The following DIP2C variants were observed in gnomAD, a reference collection of about 807,000 sequenced individuals.
DIP2C encodes the protein DIP2 acetate--CoA ligase C (putative).
DIP2C carries 33 observed loss-of-function variants against 192.4 expected under a neutral mutation model. That is an observed-to-expected ratio of 0.17 (90% CI 0.13 to 0.23). The LOEUF (loss-of-function observed/expected upper bound fraction) is 0.23, where lower values mean the gene tolerates loss of function less well. Ranked by LOEUF, DIP2C falls within the 10% of genes least tolerant of loss-of-function variation. The probability of loss-of-function intolerance (pLI) is 1.00; values close to 1 mark genes in which losing one functional copy is unlikely to be tolerated. For synonymous variants in DIP2C, 979 were observed against 864.1 expected (o/e 1.13, Z -2.33); for missense variants, 1,537 against 2,110.1 (o/e 0.73, Z 5.32).
intron 5 of DIP2C, among the ~76,000 whole-genome samples, chr10:419,921 G>A (rs1022727458): frequency 6.6e-6 from 1 of 152,172 alleles, no homozygotes; most frequent in African/African-American, 2.4e-5. Context: ...GGCTGAATGG[G>A]GAAAAGCATG....
At chr10:557,131 C>A (rs370464036) in intron 1 of DIP2C, among the ~76,000 whole-genome samples, 3 of 152,340 alleles carry the variant, frequency 2.0e-5, no homozygotes, top group African/African-American at 7.2e-5. Context: ...GTAAGACCAG[C>A]ACTCCTATGT....
At chr10:482,667 G>A (rs879581961) in intron 2 of DIP2C, among the ~76,000 whole-genome samples, 2 of 152,238 alleles carry the variant, frequency 1.3e-5, no homozygotes, top group Non-Finnish European at 1.5e-5. Flanking sequence ...AGCTGTATCT[G>A]AGCAAAGAAG....
In DIP2C at chr10:537,740, A is replaced by G. The variant is rs552151534; in HGVS notation, c.86-51210T>C. Reference sequence around the variant, plus strand: ...GTGCAAACCCATTGCTCTGGCAATAAGCAAAGCTCTTGGGGTCTCCCTAAA... The same window carrying G: ...GTGCAAACCCATTGCTCTGGCAATAGGCAAAGCTCTTGGGGTCTCCCTAAA... On this transcript the variant is annotated intron_variant, in intron 1 of 36. Transcript: ENST00000280886. Among the ~76,000 whole-genome samples the G allele has an allele frequency of 2.0e-5, 3 of 152,330 alleles. No homozygotes were observed. In the East Asian group the frequency reaches 5.8e-4, roughly 29 times the overall value.
intron 18 of DIP2C, among the ~76,000 whole-genome samples, chr10:368,165 G>C (rs1275933036): frequency 2.5e-5 from 1 of 39,944 alleles, no homozygotes; most frequent in African/African-American, 1.1e-4. Context: ...CGGGAAGCCC[G>C]CGGTTGCTCT....
At chr10:447,921 G>A (rs1475494433) in intron 3 of DIP2C, among the ~76,000 whole-genome samples, 54 of 102,414 alleles carry the variant, frequency 5.3e-4, no homozygotes, top group South Asian at 9.5e-4. Flanking sequence ...ACTCATCCCT[G>A]TCTATACTCA....
At chr10:616,502 C>T (rs1853480454) in intron 1 of DIP2C, among the ~76,000 whole-genome samples, 1 of 152,204 alleles carries the variant, frequency 6.6e-6, no homozygotes, top group African/African-American at 2.4e-5. Flanking sequence ...CCCAGGGCAT[C>T]CCATCAGCGG....
intron 6 of DIP2C, among the ~76,000 whole-genome samples, chr10:418,241 G>A: frequency 7.6e-6 from 1 of 131,314 alleles, no homozygotes; most frequent in Non-Finnish European, 1.6e-5. Flanking sequence ...GCTTCGATAG[G>A]CCTCCCTGTT....
At chr10:508,300 C>G (rs756917110) in intron 1 of DIP2C, among the ~76,000 whole-genome samples, 2 of 152,182 alleles carry the variant, frequency 1.3e-5, no homozygotes, top group Non-Finnish European at 2.9e-5. Context: ...CTCCGGTGCC[C>G]GTGCAGCCTG....
intron 1 of DIP2C, among the ~76,000 whole-genome samples, chr10:549,247 C>CT (rs887678972): frequency 6.6e-6 from 1 of 151,906 alleles, no homozygotes; most frequent in Non-Finnish European, 1.5e-5. Context: ...CTTTTTAGAC[C>CT]TTTTTTCCCC....
At chr10:511,713 C>T (rs941617253) in intron 1 of DIP2C, among the ~76,000 whole-genome samples, 2 of 152,092 alleles carry the variant, frequency 1.3e-5, no homozygotes, top group East Asian at 1.9e-4. Flanking sequence ...TGAAGGGTGG[C>T]GGCTCCGAGC....
At chr10:597,362 G>A (rs886201515) in intron 1 of DIP2C, among the ~76,000 whole-genome samples, 1 of 151,840 alleles carries the variant, frequency 6.6e-6, no homozygotes, top group African/African-American at 2.4e-5. Flanking sequence ...ACACACACCG[G>A]GCTGGCTCTG....
rs200750902 is a variant in DIP2C at position 535,466 on chromosome 10, CTT to C, written c.86-48938_86-48937del. Reference sequence around the variant, plus strand: ...CAGATCCTTCCCCAGGAGGCAGACACTTGGCTGTAATCTTTGGTAATGAGGGG... The same window carrying C: ...CAGATCCTTCCCCAGGAGGCAGACACGGCTGTAATCTTTGGTAATGAGGGG... On this transcript the variant is annotated intron_variant, in intron 1 of 36. Coordinates refer to ENST00000280886, the MANE Select transcript of DIP2C (RefSeq NM_014974.3). 5.8e-3 allele frequency among the ~76,000 whole-genome samples: 884 copies of C among 152,246 alleles called. 5 individuals carry two copies. Among genetic ancestry groups the C allele is most frequent in the Non-Finnish European group, 7.6e-3 (518 of 68,010 alleles).
intron 1 of DIP2C, among the ~76,000 whole-genome samples, chr10:509,645 C>T (rs1490807774): frequency 6.6e-6 from 1 of 152,190 alleles, no homozygotes; most frequent in Non-Finnish European, 1.5e-5. Flanking sequence ...TTGGAGGGTG[C>T]TCGTCCAGAC....
intron 2 of DIP2C, among the ~76,000 whole-genome samples, chr10:485,223 G>GT (rs1843925618): frequency 6.6e-6 from 1 of 152,240 alleles, no homozygotes; most frequent in African/African-American, 2.4e-5. Flanking sequence ...GTGGCCTACA[G>GT]TCAGACCCCA....
At chr10:320,424 C>T (rs892047945) in intron 31 of DIP2C, among the ~76,000 whole-genome samples, 4 of 151,182 alleles carry the variant, frequency 2.6e-5, no homozygotes, top group Admixed American at 1.3e-4. Flanking sequence ...AGGAGAATCA[C>T]TTGAACCCAG....
Position 539,304 on chromosome 10 carries a change from CAAGAAT to C in DIP2C, c.86-52780_86-52775del, listed in dbSNP as rs569552620. On this transcript the variant is annotated intron_variant, in intron 1 of 36. Transcript: ENST00000280886. ...CCTGTGGATTCAACCAACTATAGAT[CAAGAAT>C]ATTTTTTTAATGTGTTTGTACTAAG... is the stretch of plus-strand genomic sequence containing the variant. 2.0e-3 allele frequency among the ~76,000 whole-genome samples: 298 copies of C among 152,236 alleles called. 1 individual carries two copies. The highest frequency in any genetic ancestry group is 0.01 in the Middle Eastern group (3 of 294).
intron 36 of DIP2C, among the ~76,000 whole-genome samples, 196 bp downstream of exon 36, chr10:281,004 A>G (rs893016645): frequency 6.6e-6 from 1 of 152,210 alleles, no homozygotes; most frequent in Non-Finnish European, 1.5e-5. Context: ...CAGGTAATAT[A>G]TGGTACATTA....
intron 34 of DIP2C, 92 bp downstream of exon 34, chr10:286,181 T>C (rs1180471950): frequency 8.5e-7 from 1 of 1,180,952 alleles, no homozygotes; most frequent in South Asian, 1.3e-5. Context: ...GTGTGGCAGA[T>C]GGAGGGCATG....
intron 2 of DIP2C, among the ~76,000 whole-genome samples, chr10:474,682 G>A (rs1467134981): frequency 6.6e-6 from 1 of 152,162 alleles, no homozygotes; most frequent in Admixed American, 6.6e-5. Flanking sequence ...GGAACACTTG[G>A]GGGCCCCACA....
Sources: allele counts gnomAD v4.1 joint callset (sites outside exome capture counted in the v4.1 genomes callset), GRCh38; gene constraint gnomAD v4.1.1; transcripts MANE v1.5; gene names NCBI Gene and HGNC (gene_info 2026-07-23, HGNC 2026-07-21).